CDH18: variants seen among roughly 807,000 people sequenced by gnomAD.
The protein encoded by CDH18 is cadherin 18.
Under a neutral mutation model 67.9 loss-of-function variants are expected in CDH18, and 31 were observed. The ratio of observed to expected loss-of-function variants is 0.46; its 90% CI spans 0.34 to 0.62. The LOEUF is 0.62. CDH18 is among the 20% of genes least tolerant of loss of function. CDH18 has a pLI of 0.01. For missense variants in CDH18, 890 were observed against 975.5 expected (o/e 0.91, Z 1.17); for synonymous variants, 362 against 347.2 (o/e 1.04, Z -0.48).
chr5:20,029,090 A>G (rs1018668015), intron 2 of CDH18, among the ~76,000 whole-genome samples: 3 of 152,168 alleles, frequency 2.0e-5, no homozygotes, highest in African/African-American at 7.2e-5. Context: ...TTATTCACGC[A>G]TTACCCTTAA....
chr5:19,885,208 G>T (rs1433852770), intron 2 of CDH18, among the ~76,000 whole-genome samples: 1 of 152,102 alleles, frequency 6.6e-6, no homozygotes, highest in Non-Finnish European at 1.5e-5. Context: ...CTCTGGCTGA[G>T]GCCAAGTGAC....
intron 1 of CDH18, among the ~76,000 whole-genome samples, chr5:20,272,916 T>C (rs745743161): frequency 3.9e-5 from 6 of 152,068 alleles, no homozygotes; most frequent in Non-Finnish European, 5.9e-5. Flanking sequence ...GTTTTCAATG[T>C]AATAGCTAAA....
chr5:20,309,641 C>T (rs1012789410), intron 1 of CDH18, among the ~76,000 whole-genome samples: 1 of 152,154 alleles, frequency 6.6e-6, no homozygotes, highest in African/African-American at 2.4e-5. Context: ...TAACATATCA[C>T]TACATAATGG....
intron 1 of CDH18, among the ~76,000 whole-genome samples, chr5:20,447,848 T>A (rs1750120850): frequency 6.6e-6 from 1 of 152,182 alleles, no homozygotes; most frequent in Admixed American, 6.5e-5. Flanking sequence ...TGAGATTTTA[T>A]CGAATCTACT....
At chr5:19,792,596 C>G (rs1288149086) in intron 3 of CDH18, among the ~76,000 whole-genome samples, 1 of 152,086 alleles carries the variant, frequency 6.6e-6, no homozygotes, top group Non-Finnish European at 1.5e-5. Context: ...TCCATATATA[C>G]TTTGGTTCAA....
At chr5:19,870,005 C>T (rs116592341) in intron 2 of CDH18, among the ~76,000 whole-genome samples, 2,219 of 152,138 alleles carry the variant, frequency 0.015, 29 homozygotes, top group Middle Eastern at 0.024. Context: ...ATAAAATGTT[C>T]TACCATTAAG....
At chr5:19,563,678 T>C (rs138488303) in intron 8 of CDH18, among the ~76,000 whole-genome samples, 2 of 152,222 alleles carry the variant, frequency 1.3e-5, no homozygotes, top group African/African-American at 4.8e-5. Context: ...AAGATAGCAG[T>C]ATAGAACCCT....
At chr5:19,825,890 C>G (rs1273932281) in intron 3 of CDH18, among the ~76,000 whole-genome samples, 5 of 152,040 alleles carry the variant, frequency 3.3e-5, no homozygotes. Context: ...GATGAAATAG[C>G]TGAAATGTCA....
At chr5:19,848,704 AG>A (rs1783291319) in intron 2 of CDH18, among the ~76,000 whole-genome samples, 1 of 151,964 alleles carries the variant, frequency 6.6e-6, no homozygotes, top group African/African-American at 2.4e-5. Context: ...AGATTAAAAG[AG>A]GTAATGTAGG....
chr5:19,934,636 C>G (rs975602025), intron 2 of CDH18, among the ~76,000 whole-genome samples: 8 of 151,404 alleles, frequency 5.3e-5, no homozygotes, highest in Admixed American at 3.3e-4. Context: ...AGAATATGCA[C>G]TAGGGGCTCT....
chr5:20,077,370 A>G (rs958188125), intron 2 of CDH18, among the ~76,000 whole-genome samples: 1 of 152,178 alleles, frequency 6.6e-6, no homozygotes, highest in Non-Finnish European at 1.5e-5. Context: ...TTGTCGTGCT[A>G]TTCAGCTGAA....
At chr5:20,222,398 T>C (rs545317667) in intron 2 of CDH18, among the ~76,000 whole-genome samples, 2 of 152,228 alleles carry the variant, frequency 1.3e-5, no homozygotes, top group South Asian at 4.1e-4. Flanking sequence ...AAACAGACAT[T>C]GAGATTTACA....
intron 2 of CDH18, among the ~76,000 whole-genome samples, chr5:20,079,686 T>A (rs1744277058): frequency 6.6e-6 from 1 of 152,158 alleles, no homozygotes; most frequent in Admixed American, 6.5e-5. Context: ...AACACTTTTG[T>A]AAGGTTCTTG....
At chr5:20,290,364 C>T (rs1185525529) in intron 1 of CDH18, among the ~76,000 whole-genome samples, 7 of 152,016 alleles carry the variant, frequency 4.6e-5, no homozygotes, top group Non-Finnish European at 1.0e-4. Context: ...TGCTTATGTA[C>T]CTGTGCAGCT....
chr5:20,013,924 T>A, intron 2 of CDH18, among the ~76,000 whole-genome samples: 1 of 152,258 alleles, frequency 6.6e-6, no homozygotes, highest in East Asian at 1.9e-4. Context: ...GAAAAATTTG[T>A]TTATAGTGAT....
chr5:20,152,200 TTA>T (rs72430311), intron 2 of CDH18, among the ~76,000 whole-genome samples: 67,527 of 143,288 alleles, frequency 0.47, 16,337 homozygotes, highest in Middle Eastern at 0.6. Context: ...ATATATATAA[TTA>T]TATATAATAT....
At chr5:20,022,306 AG>A (rs1738500476) in intron 2 of CDH18, among the ~76,000 whole-genome samples, 1 of 152,220 alleles carries the variant, frequency 6.6e-6, no homozygotes, top group Admixed American at 6.5e-5. Flanking sequence ...GTAGCTGGTA[AG>A]GTTTGGAACC....
chr5:20,012,288 T>C (rs1028517366), intron 2 of CDH18, among the ~76,000 whole-genome samples: 1 of 151,222 alleles, frequency 6.6e-6, no homozygotes, highest in Non-Finnish European at 1.5e-5. Flanking sequence ...ATCCTTCTTA[T>C]CATTTCTGAT....
At chr5:19,692,252 C>A (rs1454490275) in intron 5 of CDH18, among the ~76,000 whole-genome samples, 10 of 152,040 alleles carry the variant, frequency 6.6e-5, no homozygotes, top group Non-Finnish European at 1.3e-4. Context: ...TAAAGACTTA[C>A]ACTTAGGACC....
Sources: allele counts gnomAD v4.1 joint callset (sites outside exome capture counted in the v4.1 genomes callset), GRCh38; gene constraint gnomAD v4.1.1; transcripts MANE v1.5; gene names NCBI Gene and HGNC (gene_info 2026-07-23, HGNC 2026-07-21).